CNTNAP5: variants seen among roughly 807,000 people sequenced by gnomAD.
CNTNAP5 encodes contactin associated protein family member 5, also known as contactin-associated protein-like 5.
CNTNAP5 carries 72 observed loss-of-function variants against 150.2 expected under a neutral mutation model. The observed-to-expected ratio is 0.48, with a 90% CI of 0.40 to 0.58. CNTNAP5 has a LOEUF of 0.58. Ranked by LOEUF, CNTNAP5 falls within the 20% of genes least tolerant of loss-of-function variation. The pLI is 0.00. For missense variants in CNTNAP5, 1,636 were observed against 1,626.2 expected (o/e 1.01, Z -0.10); for synonymous variants, 672 against 619.8 (o/e 1.08, Z -1.25).
intron 13 of CNTNAP5, among the ~76,000 whole-genome samples, chr2:124,669,338 C>G (rs1573536034): frequency 6.6e-6 from 1 of 152,228 alleles, no homozygotes; most frequent in African/African-American, 2.4e-5. Flanking sequence ...TGATTAGTGG[C>G]ATTTGACACA....
chr2:124,594,157 A>T (rs1300698910), intron 11 of CNTNAP5, among the ~76,000 whole-genome samples: 1 of 130,700 alleles, frequency 7.7e-6, no homozygotes, highest in African/African-American at 2.9e-5. Context: ...CCCATTTGTC[A>T]ATTTTGGCTT....
At chr2:124,425,480 T>C (rs955242410) in intron 4 of CNTNAP5, among the ~76,000 whole-genome samples, 1 of 152,182 alleles carries the variant, frequency 6.6e-6, no homozygotes. Context: ...ATTCCTTTCC[T>C]TCTGTGAGTT....
intron 1 of CNTNAP5, among the ~76,000 whole-genome samples, chr2:124,065,511 A>T (rs1056932342): frequency 6.6e-6 from 1 of 152,172 alleles, no homozygotes; most frequent in Non-Finnish European, 1.5e-5. Context: ...TAGAGACATG[A>T]ATGAGTCACA....
At chr2:124,096,519 C>A (rs943338367) in intron 1 of CNTNAP5, among the ~76,000 whole-genome samples, 5 of 152,086 alleles carry the variant, frequency 3.3e-5, no homozygotes, top group South Asian at 4.1e-4. Context: ...TATTCTATGA[C>A]ACAAACTCCC....
intron 1 of CNTNAP5, among the ~76,000 whole-genome samples, chr2:124,074,604 C>T (rs377425836): frequency 5.9e-5 from 9 of 152,052 alleles, no homozygotes; most frequent in African/African-American, 2.2e-4. Context: ...CCAGGGGAAC[C>T]CTTGCCCTCT....
intron 3 of CNTNAP5, among the ~76,000 whole-genome samples, chr2:124,363,509 G>A (rs1690275248): frequency 6.6e-6 from 1 of 152,100 alleles, no homozygotes; most frequent in Non-Finnish European, 1.5e-5. Context: ...CCAAATCTTA[G>A]AAATATTACT....
chr2:124,851,599 G>A (rs944047518), intron 19 of CNTNAP5, among the ~76,000 whole-genome samples: 1 of 152,260 alleles, frequency 6.6e-6, no homozygotes, highest in Admixed American at 6.5e-5. Context: ...CTATTGACAC[G>A]TCAGTAAATG....
At chr2:124,450,400 C>T (rs928673765) in intron 6 of CNTNAP5, among the ~76,000 whole-genome samples, 2 of 151,668 alleles carry the variant, frequency 1.3e-5, no homozygotes, top group African/African-American at 4.9e-5. Context: ...AGCTTTCATT[C>T]TTCATCTTAG....
chr2:124,759,371 AT>A (rs1680908076), intron 14 of CNTNAP5, among the ~76,000 whole-genome samples: 1 of 146,874 alleles, frequency 6.8e-6, no homozygotes. Flanking sequence ...CATTATATAT[AT>A]TTATTATATA....
chr2:124,475,147 A>G (rs1487396376), intron 7 of CNTNAP5, among the ~76,000 whole-genome samples: 1 of 151,862 alleles, frequency 6.6e-6, no homozygotes, highest in Admixed American at 6.6e-5. Context: ...AACTGTGGGT[A>G]GTATTTGCAG....
At chr2:124,131,782 T>C (rs1683855650) in intron 1 of CNTNAP5, among the ~76,000 whole-genome samples, 1 of 152,232 alleles carries the variant, frequency 6.6e-6, no homozygotes, top group Non-Finnish European at 1.5e-5. Context: ...CTTCTATTTG[T>C]GTATTTTTTC....
At chr2:124,274,226 G>A (rs572362695) in intron 3 of CNTNAP5, among the ~76,000 whole-genome samples, 1 of 152,212 alleles carries the variant, frequency 6.6e-6, no homozygotes, top group South Asian at 2.1e-4. Context: ...CCATAGGTCA[G>A]GTGCTGAATA....
At chr2:124,692,488 T>C (rs1441895644) in intron 13 of CNTNAP5, among the ~76,000 whole-genome samples, 1 of 151,988 alleles carries the variant, frequency 6.6e-6, no homozygotes, top group Non-Finnish European at 1.5e-5. Flanking sequence ...ATCAAGTTTG[T>C]TAAACAGCAA....
chr2:124,281,567 C>T (rs1005208580), intron 3 of CNTNAP5, among the ~76,000 whole-genome samples: 1 of 152,118 alleles, frequency 6.6e-6, no homozygotes. Flanking sequence ...TGTTTTTACA[C>T]ATGAAGATAT....
At chr2:124,812,567 C>T (rs1212954671) in intron 19 of CNTNAP5, among the ~76,000 whole-genome samples, 3 of 152,194 alleles carry the variant, frequency 2.0e-5, no homozygotes, top group African/African-American at 4.8e-5. Context: ...AATCTATTCT[C>T]TCTAAATCCA....
chr2:124,809,758 T>C (rs2104655122), intron 19 of CNTNAP5, among the ~76,000 whole-genome samples: 1 of 152,276 alleles, frequency 6.6e-6, no homozygotes, highest in South Asian at 2.1e-4. Context: ...GGTCAAAATG[T>C]AATGTCCAAT....
At chr2:124,698,730 A>G (rs1246622490) in intron 13 of CNTNAP5, among the ~76,000 whole-genome samples, 1 of 152,122 alleles carries the variant, frequency 6.6e-6, no homozygotes, top group African/African-American at 2.4e-5. Flanking sequence ...GATGTAGGCC[A>G]AAGCCCTTGT....
chr2:124,504,227 A>G (rs933895092), intron 7 of CNTNAP5, 65 bp from the exon 8 acceptor site: 2 of 1,512,494 alleles, frequency 1.3e-6, no homozygotes, highest in African/African-American at 2.7e-5. Flanking sequence ...GTGGTTGTTT[A>G]TATCAGCTGT....
chr2:124,377,507 T>G (rs1690678529), intron 3 of CNTNAP5, among the ~76,000 whole-genome samples: 1 of 151,844 alleles, frequency 6.6e-6, no homozygotes, highest in Admixed American at 6.6e-5. Context: ...AAACCCTATC[T>G]CTACTAAAAA....
Sources: gnomAD v4.1 joint callset for allele counts (sites outside exome capture counted in the v4.1 genomes callset) on GRCh38, gnomAD v4.1.1 for gene constraint, MANE v1.5 for transcripts, NCBI Gene and HGNC (gene_info 2026-07-23, HGNC 2026-07-21) for gene names.